Variants in AKAP12 observed in about 807,000 individuals in gnomAD.
The protein encoded by AKAP12 is A-kinase anchoring protein 12.
A neutral mutation model predicts 79.9 loss-of-function variants in AKAP12; 32 were observed. The ratio of observed to expected loss-of-function variants is 0.40; its 90% CI spans 0.30 to 0.54. The LOEUF is 0.54. Among genes scored for constraint, AKAP12 ranks in the 20% least tolerant of loss-of-function variants. AKAP12 has a pLI of 0.48. For missense variants in AKAP12, 2,074 were observed against 2,177.0 expected, an observed-to-expected ratio of 0.95 and a Z score of 0.94; for synonymous variants, 808 against 857.0, an observed-to-expected ratio of 0.94 and a Z score of 1.00.
intron 2 of AKAP12, among the ~76,000 whole-genome samples, chr6:151,242,366 T>G (rs1796995451): frequency 1.3e-5 from 2 of 152,168 alleles, no homozygotes; most frequent in Admixed American, 1.3e-4. Context: ...CATAACCTTA[T>G]CCTTTTCCTC....
intron 3 of AKAP12, among the ~76,000 whole-genome samples, chr6:151,332,031 C>CTTTTTTTTTT (rs1777685813): frequency 2.7e-5 from 2 of 72,792 alleles, no homozygotes; most frequent in African/African-American, 1.1e-4. Context: ...AGTTCTGGGT[C>CTTTTTTTTTT]TGTTTTTTTT....
At chr6:151,315,018 C>T (rs1777203619) in intron 3 of AKAP12, among the ~76,000 whole-genome samples, 3 of 150,638 alleles carry the variant, frequency 2.0e-5, no homozygotes, top group African/African-American at 7.3e-5. Flanking sequence ...CACCATTGCA[C>T]TCCACCCTGG....
intron 3 of AKAP12, chr6:151,319,941 G>A (rs983638618): frequency 1.3e-5 from 2 of 152,342 alleles, no homozygotes; most frequent in South Asian, 4.1e-4. Context: ...CCAGCAAGAA[G>A]AAAAGAGACC....
intron 2 of AKAP12, among the ~76,000 whole-genome samples, chr6:151,281,784 C>T (rs1195448967): frequency 6.6e-6 from 1 of 150,664 alleles, no homozygotes; most frequent in Non-Finnish European, 1.5e-5. Context: ...TTCCTGGGCT[C>T]AGGAGATCTT....
At chr6:151,284,057 G>A (rs1296867487) in intron 2 of AKAP12, among the ~76,000 whole-genome samples, 1 of 152,192 alleles carries the variant, frequency 6.6e-6, no homozygotes, top group Non-Finnish European at 1.5e-5. Flanking sequence ...CAAGTCTTAA[G>A]CGTATAGCTT....
chr6:151,285,616 A>T (rs1776489278), intron 2 of AKAP12, among the ~76,000 whole-genome samples: 2 of 152,150 alleles, frequency 1.3e-5, no homozygotes, highest in African/African-American at 2.4e-5. Context: ...ATTTCATGCA[A>T]AAAAGGGGGG....
intron 3 of AKAP12, among the ~76,000 whole-genome samples, chr6:151,345,893 ATATG>A (rs1208514944): frequency 5.7e-4 from 47 of 82,392 alleles, no homozygotes; most frequent in African/African-American, 1.9e-3. Context: ...ATGTGTGTGT[ATATG>A]TGTGTGTGTG....
intron 3 of AKAP12, among the ~76,000 whole-genome samples, chr6:151,311,389 G>A (rs1342020791): frequency 6.6e-6 from 1 of 152,204 alleles, no homozygotes; most frequent in Non-Finnish European, 1.5e-5. Flanking sequence ...GGGGCTAGCT[G>A]CTTTAAAACT....
chr6:151,337,605 C>G (rs1777851419), intron 3 of AKAP12, among the ~76,000 whole-genome samples: 1 of 151,766 alleles, frequency 6.6e-6, no homozygotes, highest in Non-Finnish European at 1.5e-5. Flanking sequence ...ATACCCTTTA[C>G]TCAGATTCAC....
chr6:151,300,693 T>A (rs1776847175), intron 2 of AKAP12, among the ~76,000 whole-genome samples: 1 of 152,016 alleles, frequency 6.6e-6, no homozygotes, highest in African/African-American at 2.4e-5. Flanking sequence ...AAAACACTGT[T>A]GCTGGAAACA....
chr6:151,337,600 C>G (rs796126543), intron 3 of AKAP12, among the ~76,000 whole-genome samples: 1 of 151,996 alleles, frequency 6.6e-6, no homozygotes, highest in African/African-American at 2.4e-5. Context: ...CACCCATACC[C>G]TTTACTCAGA....
chr6:151,241,826 C>A (rs1253623317), intron 2 of AKAP12, among the ~76,000 whole-genome samples: 283 of 123,636 alleles, frequency 2.3e-3, no homozygotes, highest in South Asian at 3.1e-3. Flanking sequence ...TTACAATATG[C>A]AAAAAAAAAA....
At chr6:151,297,152 T>C (rs532570326) in intron 2 of AKAP12, among the ~76,000 whole-genome samples, 2 of 151,794 alleles carry the variant, frequency 1.3e-5, no homozygotes, top group East Asian at 1.9e-4. Context: ...TTGAGTTACA[T>C]TGATGGGTGG....
At chr6:151,268,195 C>G (rs1776093004) in intron 2 of AKAP12, among the ~76,000 whole-genome samples, 2 of 152,158 alleles carry the variant, frequency 1.3e-5, no homozygotes, top group African/African-American at 4.8e-5. Flanking sequence ...GGCGGATCAC[C>G]TGAGGTCGGG....
In AKAP12 at chr6:151,351,284, G is replaced by T. The variant is rs1270171641; in HGVS notation, c.2893G>T (p.Val965Phe). ...GAACAGAGAGGCCCGGGGCGACACG[G>T]TCGTTAGTGAGGCGGAATTGACCCC... ...PENREARGDT[V>F]VSEAELTPEA... The change falls in exon 4 of 5, where the codon GTC (valine) becomes TTC (phenylalanine). Residue 965 changes from valine to phenylalanine, a missense_variant. Coordinates refer to ENST00000402676, the MANE Select transcript of AKAP12 (RefSeq NM_005100.4). The surrounding 1 kb of genome is among the most constrained non-coding windows in gnomAD (Gnocchi z 4.4). 7 of 1,614,092 alleles carry T rather than the reference G, an allele frequency of 4.3e-6. No homozygotes were observed. The highest frequency in any genetic ancestry group is 1.3e-5 in the African/African-American group (1 of 74,938).
At chr6:151,341,683 TGCAGTGAGTA>T (rs1362619451) in intron 3 of AKAP12, 1 of 1,216,478 alleles carries the variant, frequency 8.2e-7, no homozygotes, top group Admixed American at 3.2e-5. Context: ...GAGTAAACTC[TGCAGTGAGTA>T]GCACGTGCAC....
At chr6:151,256,300 G>A (rs1417033085) in intron 2 of AKAP12, among the ~76,000 whole-genome samples, 1 of 152,150 alleles carries the variant, frequency 6.6e-6, no homozygotes, top group Admixed American at 6.6e-5. Flanking sequence ...AGGGGAAATG[G>A]AATGTGCATC....
intron 2 of AKAP12, among the ~76,000 whole-genome samples, chr6:151,273,448 G>A (rs971389831): frequency 2.0e-5 from 3 of 152,114 alleles, no homozygotes; most frequent in African/African-American, 7.2e-5. Context: ...GATGACTCTC[G>A]CGTAAATCAC....
intron 2 of AKAP12, among the ~76,000 whole-genome samples, chr6:151,240,950 G>A (rs1203062658): frequency 6.6e-6 from 1 of 152,178 alleles, no homozygotes; most frequent in Admixed American, 6.5e-5. Context: ...TCTTTGTCGC[G>A]GGTCTCCAGG....
Sources: allele counts gnomAD v4.1 joint callset (sites outside exome capture counted in the v4.1 genomes callset), GRCh38; gene constraint gnomAD v4.1.1; non-coding constraint Gnocchi (gnomAD v3.1); transcripts MANE v1.5; gene names NCBI Gene and HGNC (gene_info 2026-07-23, HGNC 2026-07-21).